PDE4D: variants seen among roughly 807,000 people sequenced by gnomAD.
PDE4D encodes the protein phosphodiesterase 4D.
PDE4D carries 24 observed loss-of-function variants against 87.4 expected under a neutral mutation model. The ratio of observed to expected loss-of-function variants is 0.27; its 90% confidence interval spans 0.20 to 0.39. The LOEUF (loss-of-function observed/expected upper bound fraction) is 0.39, where lower values mean the gene tolerates loss of function less well. Ranked by LOEUF, PDE4D falls within the 10% of genes least tolerant of loss-of-function variation. PDE4D has a pLI of 1.00. For missense variants in PDE4D, 714 were observed against 1,041.0 expected (o/e 0.69, Z 4.32); for synonymous variants, 384 against 383.2 (o/e 1.00, Z -0.02).
chr5:59,480,364 A>C (rs1368144844), intron 1 of PDE4D, among the ~76,000 whole-genome samples: 1 of 152,170 alleles, frequency 6.6e-6, no homozygotes, highest in Non-Finnish European at 1.5e-5. Flanking sequence ...CCTTTCAAGA[A>C]GATCATATTA....
chr5:60,294,314 T>C (rs1753186267), intron 1 of PDE4D, among the ~76,000 whole-genome samples: 1 of 152,214 alleles, frequency 6.6e-6, no homozygotes, highest in East Asian at 1.9e-4. Context: ...TAGATGTGCT[T>C]TATGTGATAT....
intron 5 of PDE4D, among the ~76,000 whole-genome samples, chr5:59,066,258 A>C (rs1763908731): frequency 6.6e-6 from 1 of 152,114 alleles, no homozygotes. Context: ...CTCCAAAAGC[A>C]CATGCAGGAA....
At chr5:59,989,322 A>C (rs959625030) in intron 2 of PDE4D, among the ~76,000 whole-genome samples, 1 of 151,882 alleles carries the variant, frequency 6.6e-6, no homozygotes, top group Non-Finnish European at 1.5e-5. Context: ...AAGATACAGT[A>C]AAAATACAGT....
At chr5:59,388,233 G>T (rs1353765160) in intron 1 of PDE4D, among the ~76,000 whole-genome samples, 1 of 151,926 alleles carries the variant, frequency 6.6e-6, no homozygotes, top group Non-Finnish European at 1.5e-5. Flanking sequence ...CCATACCAAT[G>T]GCCAACAGGT....
In PDE4D at chr5:59,101,351, C is replaced by T. The variant is rs537093199; in HGVS notation, c.809-62380G>A. On this transcript the variant is annotated intron_variant, in intron 5 of 14. Transcript: ENST00000340635. ...CTGAATTCTTAGGTAGTTTGGTCCA[C>T]GCTATCCTCAAACTGTACCAAGAGG... Among the ~76,000 whole-genome samples the T allele has an allele frequency of 2.4e-4, 37 of 152,196 alleles. No individual in the cohort carries two copies. In the East Asian group the frequency reaches 5.8e-3, roughly 24 times the overall value.
At chr5:59,987,883 A>C (rs1762603441) in intron 3 of PDE4D, 1 of 152,282 alleles carries the variant, frequency 6.6e-6, no homozygotes, top group Non-Finnish European at 1.5e-5. Context: ...TATACCCTGC[A>C]AAGTAGGAAA....
chr5:60,105,146 C>G (rs576271105), intron 2 of PDE4D, among the ~76,000 whole-genome samples: 71 of 152,186 alleles, frequency 4.7e-4, no homozygotes, highest in African/African-American at 1.6e-3. Flanking sequence ...GCTAGAATAA[C>G]CAATACAGAG....
chr5:59,370,019 T>A (rs146455829), intron 1 of PDE4D, among the ~76,000 whole-genome samples: 1 of 152,264 alleles, frequency 6.6e-6, no homozygotes, highest in Non-Finnish European at 1.5e-5. Flanking sequence ...TCTCACTCTA[T>A]GTAAAAATCC....
chr5:59,064,751 A>G (rs995838610), intron 5 of PDE4D, among the ~76,000 whole-genome samples: 4 of 152,118 alleles, frequency 2.6e-5, no homozygotes, highest in Admixed American at 6.6e-5. Flanking sequence ...TAATGCATCC[A>G]TCAGTAATAA....
chr5:60,396,786 C>A (rs552818753), intron 1 of PDE4D, among the ~76,000 whole-genome samples: 2 of 152,320 alleles, frequency 1.3e-5, no homozygotes, highest in Admixed American at 1.3e-4. Context: ...ACAGGTAGAT[C>A]TGTGTTTCCT....
chr5:59,564,219 T>C (rs73758803), intron 1 of PDE4D, among the ~76,000 whole-genome samples: 1,862 of 152,288 alleles, frequency 0.012, 40 homozygotes, highest in African/African-American at 0.041. Flanking sequence ...GCATACTTGG[T>C]ACAAGGTACA....
At position 59,042,137 on chromosome 5, in the gene PDE4D, C is replaced by T. The variant is rs988166753; in HGVS notation, c.809-3166G>A. ...AATTACTAACAGAGTAAAGTTTGCT[C>T]TGTGAAACTGTTGCTCAAATAAAGA... On this transcript the variant is annotated intron_variant, in intron 5 of 14. Coordinates refer to ENST00000340635, the MANE Select transcript of PDE4D (RefSeq NM_001104631.2). Among the ~76,000 whole-genome samples, 3 of 152,284 alleles carry T rather than the reference C, an allele frequency of 2.0e-5. No individual in the cohort carries two copies. The South Asian group carries it at 6.2e-4, about 32-fold the overall frequency.
intron 1 of PDE4D, among the ~76,000 whole-genome samples, chr5:59,493,882 G>A (rs1806666467): frequency 6.6e-6 from 1 of 152,148 alleles, no homozygotes. Context: ...GGAAAAGGTG[G>A]AACATACGTC....
intron 1 of PDE4D, among the ~76,000 whole-genome samples, chr5:59,539,982 A>G (rs291120): frequency 0.031 from 4,727 of 152,276 alleles, 87 homozygotes; most frequent in East Asian, 0.1. Context: ...CTCAGACTCT[A>G]GCATACATCA....
intron 1 of PDE4D, among the ~76,000 whole-genome samples, chr5:59,763,691 T>C (rs951837785): frequency 3.9e-5 from 6 of 152,214 alleles, no homozygotes; most frequent in African/African-American, 1.4e-4. Flanking sequence ...ATTGACTTTG[T>C]AGTTCCTGCT....
At chr5:60,480,482 G>A (rs1748646956) in intron 1 of PDE4D, among the ~76,000 whole-genome samples, 1 of 152,074 alleles carries the variant, frequency 6.6e-6, no homozygotes, top group Non-Finnish European at 1.5e-5. Context: ...TTAAATGGAG[G>A]TACATGAAGA....
intron 1 of PDE4D, among the ~76,000 whole-genome samples, chr5:60,441,385 A>G (rs1481284775): frequency 6.6e-6 from 1 of 152,168 alleles, no homozygotes; most frequent in Non-Finnish European, 1.5e-5. Flanking sequence ...GGCTAGCCAT[A>G]AGCAGAAAAC....
At position 58,971,831 on chromosome 5, in the gene PDE4D, T is replaced by C. The variant is rs1742656818; in HGVS notation, c.*2833A>G. On this transcript the variant is annotated 3_prime_UTR_variant, in exon 15 of 15. Coordinates refer to ENST00000340635, the MANE Select transcript of PDE4D (RefSeq NM_001104631.2). The stretch of plus-strand genomic sequence containing the variant: ...CCACTTGTAAAAGGATATTCTTTTA[T>C]TCTTTTTTAAAGCAGTATATATTTC... 1 of 152,628 alleles carries C rather than the reference T, an allele frequency of 6.6e-6. No homozygotes were observed. The highest frequency in any genetic ancestry group is 6.5e-5 in the Admixed American group (1 of 15,270). The allele number at this position is 152,628 out of a possible 1,614,324, so 9.5% of individuals were successfully genotyped here.
intron 1 of PDE4D, among the ~76,000 whole-genome samples, chr5:59,602,834 A>G (rs1004285475): frequency 1.3e-5 from 2 of 152,124 alleles, no homozygotes; most frequent in East Asian, 3.8e-4. Flanking sequence ...TTACATAAAA[A>G]CAGACATATA....
Sources: gnomAD v4.1 joint callset for allele counts (sites outside exome capture counted in the v4.1 genomes callset) on GRCh38, gnomAD v4.1.1 for gene constraint, MANE v1.5 for transcripts, NCBI Gene and HGNC (gene_info 2026-07-23, HGNC 2026-07-21) for gene names.